The following TRMT11 variants were observed in gnomAD, a reference collection of about 807,000 sequenced individuals.
TRMT11 encodes the protein tRNA (guanine(10)-N(2))-methyltransferase TRMT11.
TRMT11 carries 53 observed loss-of-function variants against 62.8 expected under a neutral mutation model. The observed-to-expected ratio is 0.84, with a 90% CI of 0.68 to 1.06. TRMT11 has a LOEUF of 1.06. Ranked by LOEUF, TRMT11 falls within the 50% of genes least tolerant of loss-of-function variation. TRMT11 has a pLI of 0.00. For synonymous variants in TRMT11, 188 were observed against 190.3 expected (o/e 0.99, Z 0.10); for missense variants, 556 against 553.4 (o/e 1.00, Z -0.05).
intron 17 of TRMT11, among the ~76,000 whole-genome samples, chr6:126,100,744 TCAAG>T (rs1317059023): frequency 2.4e-4 from 37 of 152,348 alleles, no homozygotes; most frequent in Non-Finnish European, 4.1e-4. Context: ...TTGGGATGAT[TCAAG>T]TGCTTTACAT....
At chr6:126,169,196 G>A (rs1778301965) in intron 21 of TRMT11, among the ~76,000 whole-genome samples, 1 of 152,150 alleles carries the variant, frequency 6.6e-6, no homozygotes, top group Non-Finnish European at 1.5e-5. Flanking sequence ...ATTAAGGCAG[G>A]CCAGCTTTAC....
intron 1 of TRMT11, among the ~76,000 whole-genome samples, chr6:125,989,233 T>C (rs1790211063): frequency 6.6e-6 from 1 of 150,786 alleles, no homozygotes; most frequent in East Asian, 2.0e-4. Flanking sequence ...ATTCAAGTGA[T>C]TCACCTGCCT....
intron 1 of TRMT11, among the ~76,000 whole-genome samples, chr6:125,991,972 T>C (rs1790707119): frequency 6.6e-6 from 1 of 152,232 alleles, no homozygotes; most frequent in South Asian, 2.1e-4. Flanking sequence ...GCATCACACA[T>C]GCCCCAGATC....
chr6:126,205,805 G>A (rs184673270), downstream of TRMT11, among the ~76,000 whole-genome samples: 1 of 151,728 alleles, frequency 6.6e-6, no homozygotes, highest in African/African-American at 2.4e-5. Flanking sequence ...AGAACATCTA[G>A]CAGCTAGGGG....
At chr6:126,008,765 G>A in intron 8 of TRMT11, 1 of 563,536 alleles carries the variant, frequency 1.8e-6, no homozygotes, top group Admixed American at 2.2e-5. Context: ...ACAGTAGGCT[G>A]TTAGTAGTTA....
intron 12 of TRMT11, among the ~76,000 whole-genome samples, chr6:126,034,846 G>GT (rs1443371917): frequency 2.0e-5 from 3 of 151,916 alleles, no homozygotes; most frequent in South Asian, 2.1e-4. Context: ...CTCCTTTTAA[G>GT]TAAGCACTTT....
At position 126,014,028 on chromosome 6, in the gene TRMT11, A is replaced by G. The variant is rs1419747230; in HGVS notation, c.1139+927A>G. On this transcript the variant is annotated intron_variant, in intron 11 of 12. Coordinates refer to ENST00000334379, the MANE Select transcript of TRMT11 (RefSeq NM_001031712.3). Reference sequence around the variant, plus strand: ...CAAAATAAGAGCTGTGCATATATTTAAAGCCCTGATTATGTTCAGCATTAT... The same window carrying G: ...CAAAATAAGAGCTGTGCATATATTTGAAGCCCTGATTATGTTCAGCATTAT... Among the ~76,000 whole-genome samples, 10 of 152,340 alleles carry G rather than the reference A, an allele frequency of 6.6e-5. No homozygotes were observed. In the South Asian group the frequency reaches 2.1e-3, roughly 32 times the overall value.
intron 21 of TRMT11, among the ~76,000 whole-genome samples, chr6:126,147,159 A>C (rs1202422725): frequency 6.6e-6 from 1 of 152,236 alleles, no homozygotes; most frequent in Non-Finnish European, 1.5e-5. Flanking sequence ...TTTAAGGTTC[A>C]AAAGAGGAGG....
At chr6:126,168,390 T>TG (rs1264720685) in intron 21 of TRMT11, among the ~76,000 whole-genome samples, 2 of 152,234 alleles carry the variant, frequency 1.3e-5, no homozygotes, top group African/African-American at 2.4e-5. Flanking sequence ...GGAAAGAAAA[T>TG]GCTCTCAATA....
intron 21 of TRMT11, among the ~76,000 whole-genome samples, chr6:126,163,633 G>A (rs763296410): frequency 6.6e-6 from 1 of 152,206 alleles, no homozygotes; most frequent in Admixed American, 6.5e-5. Flanking sequence ...AATGGTACCA[G>A]CTCCTCTTTG....
At chr6:125,994,069 A>G (rs1791053699) in intron 2 of TRMT11, among the ~76,000 whole-genome samples, 1 of 152,164 alleles carries the variant, frequency 6.6e-6, no homozygotes, top group African/African-American at 2.4e-5. Context: ...CCTTTCACCT[A>G]AAAAAGGGCT....
chr6:126,251,083 T>C, the TRMT11 span, among the ~76,000 whole-genome samples: 1 of 150,816 alleles, frequency 6.6e-6, no homozygotes, highest in African/African-American at 2.4e-5. Context: ...CAGGCTGGAG[T>C]GCAGTGGCAC....
chr6:126,223,992 C>T, the TRMT11 span, among the ~76,000 whole-genome samples: 1 of 152,194 alleles, frequency 6.6e-6, no homozygotes, highest in African/African-American at 2.4e-5. Flanking sequence ...AGCTCTGTCA[C>T]ACCATTTTGG....
intron 17 of TRMT11, among the ~76,000 whole-genome samples, chr6:126,067,967 G>A (rs1380636077): frequency 1.3e-5 from 2 of 152,242 alleles, no homozygotes; most frequent in East Asian, 1.9e-4. Flanking sequence ...CATTTAAAAT[G>A]TACAACTCTT....
the TRMT11 span, among the ~76,000 whole-genome samples, chr6:126,263,590 G>A: frequency 2.0e-5 from 3 of 152,194 alleles, no homozygotes; most frequent in Non-Finnish European, 2.9e-5. Flanking sequence ...GCTAATATTG[G>A]ACAAAACTTA....
intron 17 of TRMT11, among the ~76,000 whole-genome samples, chr6:126,068,660 T>G (rs1319582574): frequency 2.0e-5 from 3 of 152,232 alleles, no homozygotes; most frequent in Non-Finnish European, 4.4e-5. Context: ...ATTTGATATT[T>G]TATATCTGTC....
At position 126,128,829 on chromosome 6, in the gene TRMT11, T is replaced by C. The variant is rs188739965; in HGVS notation, c.*1823+12974T>C. 5.3e-5 allele frequency among the ~76,000 whole-genome samples: 8 copies of C among 152,116 alleles called. No individual in the cohort carries two copies. The East Asian group carries it at 1.6e-3, about 29-fold the overall frequency. On this transcript the variant is annotated intron_variant and NMD_transcript_variant, in intron 21 of 22. Coordinates refer to the TRMT11 transcript ENST00000648977. ...TGGAAGTTATTGATCATGACCATTATATGAGAAGAAGAAAAACCTGATTAC... is the reference window on the plus strand; with the variant it reads ...TGGAAGTTATTGATCATGACCATTACATGAGAAGAAGAAAAACCTGATTAC...
chr6:126,165,745 T>A, intron 21 of TRMT11, among the ~76,000 whole-genome samples: 1 of 152,216 alleles, frequency 6.6e-6, no homozygotes, highest in East Asian at 1.9e-4. Flanking sequence ...TTGGTGAATC[T>A]GATGATTATG....
the TRMT11 span, among the ~76,000 whole-genome samples, chr6:126,229,099 G>A: frequency 2.0e-5 from 3 of 152,102 alleles, no homozygotes; most frequent in Non-Finnish European, 4.4e-5. Flanking sequence ...AATGAAATTT[G>A]TTGTATTTCT....
Sources: allele counts gnomAD v4.1 joint callset (sites outside exome capture counted in the v4.1 genomes callset), GRCh38; gene constraint gnomAD v4.1.1; transcripts MANE v1.5; gene names NCBI Gene and HGNC (gene_info 2026-07-23, HGNC 2026-07-21).